The following RFWD3 variants were observed in gnomAD, a reference collection of about 807,000 sequenced individuals.
The protein encoded by RFWD3 is E3 ubiquitin-protein ligase RFWD3.
A neutral mutation model predicts 87.7 loss-of-function variants in RFWD3; 65 were observed. That is an observed-to-expected ratio of 0.74 (90% CI 0.61 to 0.91). RFWD3 has a LOEUF of 0.91. RFWD3 is among the 40% of genes least tolerant of loss of function. The probability of loss-of-function intolerance (pLI) is 0.00; values close to 1 mark genes in which losing one functional copy is unlikely to be tolerated. For synonymous variants in RFWD3, 433 were observed against 352.8 expected, an observed-to-expected ratio of 1.23 and a Z score of -2.55; for missense variants, 1,078 against 938.5, an observed-to-expected ratio of 1.15 and a Z score of -1.94.
intron 11 of RFWD3, among the ~76,000 whole-genome samples, chr16:74,627,656 A>G (rs1463384566): frequency 3.3e-5 from 5 of 152,250 alleles, no homozygotes; most frequent in African/African-American, 9.6e-5. Flanking sequence ...CAGTTCAGAC[A>G]AGAGCCACAA....
At chr16:74,648,389 A>G (rs1960322257) in intron 4 of RFWD3, among the ~76,000 whole-genome samples, 1 of 151,380 alleles carries the variant, frequency 6.6e-6, no homozygotes, top group Non-Finnish European at 1.5e-5. Context: ...TCCCTACTTC[A>G]GGTGATCCAC....
intron 4 of RFWD3, among the ~76,000 whole-genome samples, chr16:74,646,962 C>A (rs556249264): frequency 6.6e-6 from 1 of 151,996 alleles, no homozygotes; most frequent in South Asian, 2.1e-4. Flanking sequence ...GTGGCAGGCG[C>A]CTGTAGTCCC....
chr16:74,621,412 CT>C lies in RFWD3; in HGVS notation c.*2515del, dbSNP rs1958763022. The C allele has an allele frequency of 6.6e-6, 1 of 152,188 alleles. No individual in the cohort carries two copies. Among genetic ancestry groups the C allele is most frequent in the Non-Finnish European group, 1.5e-5 (1 of 68,032 alleles). The allele number at this position is 152,188 out of a possible 1,614,324, so 9.4% of individuals were successfully genotyped here. ...TAGGAGCCATTATACATAGCAAATT[CT>C]TTATTTTCATATTAACAGTAAAACA... is the stretch of plus-strand genomic sequence containing the variant. On this transcript the variant is annotated 3_prime_UTR_variant, in exon 13 of 13. Coordinates refer to ENST00000361070, the MANE Select transcript of RFWD3 (RefSeq NM_018124.4).
chr16:74,636,710 C>A, intron 7 of RFWD3, 133 bp from the exon 8 acceptor site: 5 of 724,200 alleles, frequency 6.9e-6, no homozygotes, highest in Non-Finnish European at 1.1e-5. Context: ...TAGAGAACTG[C>A]AGAGTTTTTG....
At chr16:74,660,773 GA>G (rs1428164131) in intron 2 of RFWD3, 158 bp downstream of exon 2, 32 of 727,170 alleles carry the variant, frequency 4.4e-5, no homozygotes, top group Non-Finnish European at 6.8e-5. Context: ...ATTACTTTGT[GA>G]AGTAAGGCAA....
At chr16:74,638,931 G>A (rs1471266231) in intron 6 of RFWD3, among the ~76,000 whole-genome samples, 1 of 151,948 alleles carries the variant, frequency 6.6e-6, no homozygotes, top group Non-Finnish European at 1.5e-5. Context: ...TTGCTCCCAG[G>A]CTACAAACTT....
intron 3 of RFWD3, among the ~76,000 whole-genome samples, chr16:74,649,772 T>C (rs1054937355): frequency 6.6e-6 from 1 of 152,248 alleles, no homozygotes; most frequent in African/African-American, 2.4e-5. Context: ...GAGCTTGTGA[T>C]GTCTCTTAAG....
intron 8 of RFWD3, among the ~76,000 whole-genome samples, chr16:74,635,084 T>C (rs888780667): frequency 6.6e-6 from 1 of 151,898 alleles, no homozygotes; most frequent in Non-Finnish European, 1.5e-5. Flanking sequence ...ATTGAGACCA[T>C]CCTGGCTAAC....
At chr16:74,636,117 G>A (rs1159685749) in intron 8 of RFWD3, among the ~76,000 whole-genome samples, 1 of 152,130 alleles carries the variant, frequency 6.6e-6, no homozygotes, top group Non-Finnish European at 1.5e-5. Flanking sequence ...CTCACCATCT[G>A]CTTTATCATG....
intron 4 of RFWD3, among the ~76,000 whole-genome samples, chr16:74,645,783 C>T (rs1025583978): frequency 1.9e-4 from 25 of 128,306 alleles, no homozygotes; most frequent in African/African-American, 7.0e-4. Flanking sequence ...GACAGACTCT[C>T]GCTCTGTCGC....
At chr16:74,657,646 T>G (rs141148944) in intron 2 of RFWD3, among the ~76,000 whole-genome samples, 1 of 152,148 alleles carries the variant, frequency 6.6e-6, no homozygotes, top group African/African-American at 2.4e-5. Context: ...CGACTAATTT[T>G]TGTATTTTTA....
chr16:74,656,308 C>CAAAAA (rs71158534), intron 2 of RFWD3, among the ~76,000 whole-genome samples: 581 of 62,518 alleles, frequency 9.3e-3, no homozygotes, highest in East Asian at 0.018. Flanking sequence ...CTTGTCTTGC[C>CAAAAA]AAAAAAAAAA....
intron 12 of RFWD3, among the ~76,000 whole-genome samples, chr16:74,624,621 T>G (rs1288982813): frequency 1.3e-5 from 2 of 152,172 alleles, no homozygotes; most frequent in Non-Finnish European, 2.9e-5. Flanking sequence ...GGTCTAGAAC[T>G]CCTGACCTCA....
At position 74,626,539 on chromosome 16, in the gene RFWD3, G is replaced by C. The variant is rs1396446886; in HGVS notation, c.1985C>G (p.Thr662Ser). The C allele has an allele frequency of 6.2e-7, 1 of 1,613,946 alleles. No homozygotes were observed. The highest frequency in any genetic ancestry group is 8.5e-7 in the Non-Finnish European group (1 of 1,179,832). The change falls in exon 12 of 13, where the codon ACC (threonine) becomes AGC (serine). Residue 662 changes from threonine (T) to serine (S), a missense_variant. Coordinates refer to ENST00000361070, the MANE Select transcript of RFWD3 (RefSeq NM_018124.4). ...VTYRPDKNHT[T>S]IRSVLMEMSY... ...CATTTCCATCAGCACACTTCGTATGGTGGTGTGATTTTTATCTATGGGACA... is the reference window on the plus strand; with the variant it reads ...CATTTCCATCAGCACACTTCGTATGCTGGTGTGATTTTTATCTATGGGACA...
Position 74,637,954 on chromosome 16 carries a change from G to C in RFWD3, c.1096C>G (p.Gln366Glu), listed in dbSNP as rs747737249. The C allele has an allele frequency of 1.2e-6, 2 of 1,610,672 alleles. No homozygotes were observed. The highest frequency in any genetic ancestry group is 1.7e-6 in the Non-Finnish European group (2 of 1,179,012). The change falls in exon 7 of 13, where the codon CAG becomes GAG. Residue 366 changes from glutamine (Q) to glutamate (E), a missense_variant. Physicochemically the swap from Gln to Glu is conservative, Grantham distance 29. Coordinates refer to ENST00000361070, the MANE Select transcript of RFWD3 (RefSeq NM_018124.4). ...ERMKSSLLKEQMLRKQAELES... is the reference protein window; with the variant it reads ...ERMKSSLLKEEMLRKQAELES... ...AACTCGGCCTGTTTCCTTAGCATCTGTTCCTTCAGTAGGGAACTAGAGGGG... is the reference window on the plus strand; with the variant it reads ...AACTCGGCCTGTTTCCTTAGCATCTCTTCCTTCAGTAGGGAACTAGAGGGG...
At chr16:74,646,794 C>A (rs117420568) in intron 4 of RFWD3, among the ~76,000 whole-genome samples, 1 of 151,376 alleles carries the variant, frequency 6.6e-6, no homozygotes. Flanking sequence ...AAGATGAGAC[C>A]AGGCATGGTG....
intron 2 of RFWD3, among the ~76,000 whole-genome samples, chr16:74,658,145 T>C (rs1597456155): frequency 2.6e-5 from 4 of 152,300 alleles, no homozygotes; most frequent in Admixed American, 2.0e-4. Context: ...TTCCCTGCAC[T>C]TACCAACTTT....
chr16:74,644,823 C>A, intron 4 of RFWD3, 88 bp from the exon 5 acceptor site: 5 of 1,210,030 alleles, frequency 4.1e-6, no homozygotes, highest in Admixed American at 2.5e-5. Flanking sequence ...AACAGAAGTG[C>A]AAAAAAAATG....
intron 12 of RFWD3, 106 bp downstream of exon 12, chr16:74,626,237 C>G: frequency 2.1e-6 from 2 of 967,366 alleles, no homozygotes; most frequent in Non-Finnish European, 3.3e-6. Flanking sequence ...GCAGAACTTA[C>G]ACTTTTTTGC....
Sources: gnomAD v4.1 joint callset for allele counts (sites outside exome capture counted in the v4.1 genomes callset) on GRCh38, gnomAD v4.1.1 for gene constraint, MANE v1.5 for transcripts, NCBI Gene and HGNC (gene_info 2026-07-23, HGNC 2026-07-21) for gene names.